The following DNAJC1 variants were observed in gnomAD, a reference collection of about 807,000 sequenced individuals.
The protein encoded by DNAJC1 is DnaJ heat shock protein family (Hsp40) member C1.
DNAJC1 carries 58 observed loss-of-function variants against 76.6 expected under a neutral mutation model. That is an observed-to-expected ratio of 0.76 (90% CI 0.61 to 0.94). DNAJC1 has a LOEUF of 0.94. Ranked by LOEUF, DNAJC1 falls within the 40% of genes least tolerant of loss-of-function variation. DNAJC1 has a pLI of 0.00. For missense variants in DNAJC1, 689 were observed against 677.3 expected (o/e 1.02, Z -0.19); for synonymous variants, 258 against 267.9 (o/e 0.96, Z 0.36).
At chr10:21,868,091 A>C (rs1836037639) in intron 8 of DNAJC1, among the ~76,000 whole-genome samples, 2 of 139,050 alleles carry the variant, frequency 1.4e-5, no homozygotes, top group South Asian at 2.3e-4. Flanking sequence ...AAAAAAAAAC[A>C]AAAAAAAAAA....
intron 9 of DNAJC1, among the ~76,000 whole-genome samples, chr10:21,791,310 C>T (rs1056441376): frequency 6.6e-5 from 10 of 152,186 alleles, no homozygotes; most frequent in African/African-American, 2.4e-4. Context: ...TGACACCCCA[C>T]ACTCAGCAGT....
At chr10:21,924,052 G>C (rs1255251453) in intron 3 of DNAJC1, among the ~76,000 whole-genome samples, 1 of 151,656 alleles carries the variant, frequency 6.6e-6, no homozygotes, top group Non-Finnish European at 1.5e-5. Context: ...TTTCCACTTA[G>C]GTCACATTTT....
intron 8 of DNAJC1, among the ~76,000 whole-genome samples, chr10:21,848,692 C>T (rs765479484): frequency 1.3e-5 from 2 of 152,176 alleles, no homozygotes; most frequent in Non-Finnish European, 2.9e-5. Flanking sequence ...CATTCTTCTC[C>T]AGTGCACATG....
At chr10:21,782,987 G>T (rs911087478) in intron 9 of DNAJC1, among the ~76,000 whole-genome samples, 1 of 152,160 alleles carries the variant, frequency 6.6e-6, no homozygotes, top group South Asian at 2.1e-4. Context: ...TTGAAAACTG[G>T]CACAAGACAG....
chr10:21,969,462 C>A (rs1837943155), intron 1 of DNAJC1, among the ~76,000 whole-genome samples: 1 of 152,108 alleles, frequency 6.6e-6, no homozygotes, highest in Non-Finnish European at 1.5e-5. Flanking sequence ...TAGAGAAAGA[C>A]TGCATGTAGA....
intron 8 of DNAJC1, chr10:21,860,984 G>A (rs1376637097): frequency 6.6e-6 from 1 of 152,192 alleles, no homozygotes; most frequent in African/African-American, 2.4e-5. Context: ...GAGAGCAAAT[G>A]CTGCTTAATC....
chr10:21,799,054 C>T (rs1834781379), intron 9 of DNAJC1, among the ~76,000 whole-genome samples: 1 of 152,138 alleles, frequency 6.6e-6, no homozygotes, highest in Non-Finnish European at 1.5e-5. Context: ...TGCCACAGTC[C>T]TCCACAATGT....
At chr10:21,857,073 G>A (rs949806224) in intron 8 of DNAJC1, among the ~76,000 whole-genome samples, 1 of 151,954 alleles carries the variant, frequency 6.6e-6, no homozygotes, top group African/African-American at 2.4e-5. Context: ...ATTATAAAGT[G>A]GATCAATTCT....
chr10:21,811,563 G>A (rs144565142), intron 8 of DNAJC1, among the ~76,000 whole-genome samples: 1 of 152,256 alleles, frequency 6.6e-6, no homozygotes, highest in African/African-American at 2.4e-5. Flanking sequence ...TTTGGATTTT[G>A]CCAAAATTAA....
chr10:21,891,496 G>GAAAAAAAAAAAAAAAAAAAAAAAAT (rs1836462692), intron 7 of DNAJC1, among the ~76,000 whole-genome samples: 1 of 113,754 alleles, frequency 8.8e-6, no homozygotes, highest in African/African-American at 3.3e-5. Flanking sequence ...AAAAAAAAAA[G>GAAAAAAAAAAAAAAAAAAAAAAAAT]AAAAGAAAAA....
At chr10:21,777,541 C>T (rs1222022883) in intron 9 of DNAJC1, among the ~76,000 whole-genome samples, 1 of 152,166 alleles carries the variant, frequency 6.6e-6, no homozygotes, top group Admixed American at 6.6e-5. Flanking sequence ...CATGAAACAC[C>T]TTGCTCTCAA....
intron 8 of DNAJC1, among the ~76,000 whole-genome samples, chr10:21,847,572 C>A (rs575377906): frequency 2.0e-5 from 3 of 152,246 alleles, no homozygotes; most frequent in Non-Finnish European, 4.4e-5. Flanking sequence ...CGCTAACCAG[C>A]CTCTCTTCAT....
Position 21,982,924 on chromosome 10 carries a change from G to A in DNAJC1, c.222+20289C>T, listed in dbSNP as rs545567887. 3.0e-4 allele frequency among the ~76,000 whole-genome samples: 46 copies of A among 152,160 alleles called. 1 individual carries two copies. In the South Asian group the frequency reaches 8.9e-3, roughly 30 times the overall value. On this transcript the variant is annotated intron_variant, in intron 1 of 11. Transcript: ENST00000376980. Reference sequence around the variant, plus strand: ...TAAAAAATTAGCCAGGCATGATGGCGCACATCTATAATCCCAGCTACTTGG... The same window carrying A: ...TAAAAAATTAGCCAGGCATGATGGCACACATCTATAATCCCAGCTACTTGG...
At chr10:21,896,219 C>G (rs1201959528) in intron 7 of DNAJC1, among the ~76,000 whole-genome samples, 19 of 152,152 alleles carry the variant, frequency 1.2e-4, no homozygotes, top group Admixed American at 1.2e-3. Flanking sequence ...CAACTTCAGC[C>G]TGGGAGAGCT....
At position 21,806,042 on chromosome 10, in the gene DNAJC1, G is replaced by C; in HGVS notation, c.1036C>G (p.Pro346Ala). The part of the protein sequence containing the change: ...SQLTRSMVKF[P>A]GGTPGRWEKI... ...TCCCATCGACCTGGAGTCCCTCCTG[G>C]GAACTTAACCATACTTCTTGTCAGT... Residue 346 changes from proline to alanine, a missense_variant, in exon 9 of 12, where the codon CCA becomes GCA. By Grantham distance (27) the Pro-to-Ala change is conservative. Transcript: ENST00000376980. 6.2e-7 allele frequency: 1 copy of C among 1,611,908 alleles called. No homozygotes were observed. Among genetic ancestry groups the C allele is most frequent in the East Asian group, 2.2e-5 (1 of 44,866 alleles).
At chr10:21,852,834 C>T (rs1386803932) in intron 8 of DNAJC1, among the ~76,000 whole-genome samples, 2 of 151,654 alleles carry the variant, frequency 1.3e-5, no homozygotes, top group African/African-American at 4.8e-5. Flanking sequence ...AATAAAGATA[C>T]ACACACAAAT....
At chr10:21,909,343 C>T (rs1490956205) in intron 6 of DNAJC1, among the ~76,000 whole-genome samples, 1 of 152,206 alleles carries the variant, frequency 6.6e-6, no homozygotes, top group African/African-American at 2.4e-5. Context: ...AGACATTAAA[C>T]AGGGATATTT....
chr10:21,806,476 C>T (rs1834884729), intron 8 of DNAJC1, among the ~76,000 whole-genome samples: 1 of 151,446 alleles, frequency 6.6e-6, no homozygotes, highest in South Asian at 2.1e-4. Flanking sequence ...CTCATAAATG[C>T]CTCACATAAA....
intron 3 of DNAJC1, among the ~76,000 whole-genome samples, chr10:21,922,051 G>A (rs1837051330): frequency 6.6e-6 from 1 of 151,952 alleles, no homozygotes; most frequent in Non-Finnish European, 1.5e-5. Flanking sequence ...GTTAGTCGCA[G>A]GCCTAATTAC....
Sources: allele counts gnomAD v4.1 joint callset (sites outside exome capture counted in the v4.1 genomes callset), GRCh38; gene constraint gnomAD v4.1.1; transcripts MANE v1.5; gene names NCBI Gene and HGNC (gene_info 2026-07-23, HGNC 2026-07-21).